CDHR3: variants seen among roughly 807,000 people sequenced by gnomAD.
CDHR3 encodes cadherin related family member 3.
In CDHR3, 79 loss-of-function variants were observed where a neutral mutation model predicts 86.6. That is an observed-to-expected ratio of 0.91 (90% CI 0.76 to 1.10). The LOEUF (loss-of-function observed/expected upper bound fraction) is 1.10, where lower values mean the gene tolerates loss of function less well. CDHR3 is among the 50% of genes least tolerant of loss of function. The probability of loss-of-function intolerance (pLI) is 0.00; values close to 1 mark genes in which losing one functional copy is unlikely to be tolerated. For synonymous variants in CDHR3, 421 were observed against 402.4 expected (o/e 1.05, Z -0.55); for missense variants, 1,081 against 1,077.6 (o/e 1.00, Z -0.04).
chr7:106,032,762 G>A lies in CDHR3; in HGVS notation c.*65G>A. 1 of 1,495,334 alleles carries A rather than the reference G, an allele frequency of 6.7e-7. No homozygotes were observed. The highest frequency in any genetic ancestry group is 1.3e-5 in the South Asian group (1 of 76,226). The allele number at this position is 1,495,334 out of a possible 1,614,324, so 92.6% of individuals were successfully genotyped here. Reference sequence around the variant, plus strand: ...GCCTCACCCTAAATTCTATGGGGATGGTGTGGGCATGGTGTAGGGGGGAAA... The same window carrying A: ...GCCTCACCCTAAATTCTATGGGGATAGTGTGGGCATGGTGTAGGGGGGAAA... On this transcript the variant is annotated 3_prime_UTR_variant, in exon 19 of 19. Transcript: ENST00000317716.
At position 106,030,454 on chromosome 7, in the gene CDHR3, C is replaced by T. The variant is rs1018958874; in HGVS notation, c.2305-338C>T. 3.3e-5 allele frequency among the ~76,000 whole-genome samples: 5 copies of T among 152,204 alleles called. No individual in the cohort carries two copies. The highest frequency in any genetic ancestry group is 2.1e-4 in the South Asian group (1 of 4,836). ...TGTGGCATTTCCACTCTTCCTTCTACGCTCAGATTTTATTTACTCAGGATG... is the reference window on the plus strand; with the variant it reads ...TGTGGCATTTCCACTCTTCCTTCTATGCTCAGATTTTATTTACTCAGGATG... On this transcript the variant is annotated intron_variant, in intron 17 of 18. Transcript: ENST00000317716. The surrounding 1 kb of genome is among the most constrained non-coding windows in gnomAD (Gnocchi z 4.8).
chr7:106,025,752 C>G (rs541140003), intron 15 of CDHR3, among the ~76,000 whole-genome samples: 190 of 152,244 alleles, frequency 1.2e-3, no homozygotes, highest in African/African-American at 4.4e-3. Flanking sequence ...TTGCATTTTG[C>G]CATATTTATT....
In CDHR3 at chr7:106,001,598, A is replaced by G; in HGVS notation, c.850A>G (p.Met284Val). 4.3e-6 allele frequency: 7 copies of G among 1,613,986 alleles called. No homozygotes were observed. The highest frequency in any genetic ancestry group is 1.1e-5 in the South Asian group (1 of 91,082). ...CATTACCACTGTTAGCAAATATTTC[A>G]TGATAAATCAGTGTAAGCCACTCAC... Reference protein sequence around the residue: ...YSITTVSKYFMINQLTGTIQV... With the variant: ...YSITTVSKYFVINQLTGTIQV... Residue 284 changes from methionine to valine, a missense_variant, in exon 7 of 19, where the codon ATG becomes GTG. By Grantham distance (21) the Met-to-Val change is conservative (BLOSUM62 1). Coordinates refer to ENST00000317716, the MANE Select transcript of CDHR3 (RefSeq NM_152750.5).
intron 4 of CDHR3, among the ~76,000 whole-genome samples, chr7:105,991,347 G>A (rs1563253848): frequency 6.6e-6 from 1 of 151,696 alleles, no homozygotes; most frequent in African/African-American, 2.4e-5. Context: ...CATTAACACA[G>A]CTCTTAGGTT....
At chr7:106,004,986 A>AG (rs2115805291) in intron 8 of CDHR3, among the ~76,000 whole-genome samples, 1 of 152,328 alleles carries the variant, frequency 6.6e-6, no homozygotes, top group South Asian at 2.1e-4. Context: ...AAAGGACCAC[A>AG]GGGACTTGTT....
rs532300309 is a variant in CDHR3, at chr7:106,030,997, G to A, written c.2353+157G>A. Among the ~76,000 whole-genome samples the A allele has an allele frequency of 7.2e-5, 11 of 152,296 alleles. No individual in the cohort carries two copies. In the East Asian group the frequency reaches 1.2e-3, roughly 16 times the overall value. ...CTGACTCTTCTAGGCTAAATACAAC[G>A]TGAGATCAGCTGTGAACCCAGCTGG... On this transcript the variant is annotated intron_variant, in intron 18 of 18. Coordinates refer to ENST00000317716, the MANE Select transcript of CDHR3 (RefSeq NM_152750.5). The surrounding 1 kb of genome is among the most constrained non-coding windows in gnomAD (Gnocchi z 4.8).
At position 106,034,874 on chromosome 7, in the gene CDHR3, T is replaced by A. The variant is rs958689738; in HGVS notation, c.*2177T>A. Among the ~76,000 whole-genome samples, 8 of 152,206 alleles carry A rather than the reference T, an allele frequency of 5.3e-5. No individual in the cohort carries two copies. The highest frequency in any genetic ancestry group is 1.9e-4 in the African/African-American group (8 of 41,524). On this transcript the variant is annotated 3_prime_UTR_variant, in exon 19 of 19. Transcript: ENST00000317716. ...AGGTGGATCACCTGAGGTCAGGAGT[T>A]TGAGACCAGCCTGGCCAACATGGTG...
chr7:106,034,638 G>C lies in CDHR3; in HGVS notation c.*1941G>C, dbSNP rs1290600182. 6.6e-6 allele frequency among the ~76,000 whole-genome samples: 1 copy of C among 152,234 alleles called. No individual in the cohort carries two copies. The highest frequency in any genetic ancestry group is 2.4e-5 in the African/African-American group (1 of 41,462). ...ATTTATGCAGGTTAAAGTGAGTGAA[G>C]TGGCTGATTGCCCATTTAAGGCATT... On this transcript the variant is annotated 3_prime_UTR_variant, in exon 19 of 19. Transcript: ENST00000317716.
chr7:106,005,242 A>AGATACAAGTGG (rs944432218), intron 8 of CDHR3, among the ~76,000 whole-genome samples: 3 of 152,280 alleles, frequency 2.0e-5, no homozygotes, highest in African/African-American at 7.2e-5. Context: ...GAAAAAATGC[A>AGATACAAGTGG]GATACAAGTG....
Position 105,974,883 on chromosome 7 carries a change from G to T in CDHR3, c.86G>T (p.Gly29Val). The T allele has an allele frequency of 6.2e-7, 1 of 1,613,706 alleles. No homozygotes were observed. The highest frequency in any genetic ancestry group is 8.5e-7 in the Non-Finnish European group (1 of 1,179,718). Reference sequence around the variant, plus strand: ...CACCTAATCCTCTTACCTGCTACAGGCAATGTGGCAGAGAATTCTCCACCT... The same window carrying T: ...CACCTAATCCTCTTACCTGCTACAGTCAATGTGGCAGAGAATTCTCCACCT... ...ALHLILLPATGNVAENSPPGT... is the reference protein window; with the variant it reads ...ALHLILLPATVNVAENSPPGT... The change falls in exon 2 of 19, where the codon GGC becomes GTC. Residue 29 changes from glycine (G) to valine (V), a missense_variant. By Grantham distance (109) the Gly-to-Val change is moderately radical (BLOSUM62 -3). Transcript: ENST00000317716.
intron 8 of CDHR3, among the ~76,000 whole-genome samples, chr7:106,011,802 G>A (rs968628436): frequency 6.6e-6 from 1 of 152,238 alleles, no homozygotes; most frequent in African/African-American, 2.4e-5. Context: ...TTGATCGGAA[G>A]GCTCTGAGTT....
intron 1 of CDHR3, among the ~76,000 whole-genome samples, chr7:105,969,811 T>C (rs1423179393): frequency 1.3e-5 from 2 of 152,194 alleles, no homozygotes; most frequent in Admixed American, 6.5e-5. Flanking sequence ...CCGTTTTCTG[T>C]AATAAAACTG....
At chr7:105,971,241 A>C (rs909308373) in intron 1 of CDHR3, among the ~76,000 whole-genome samples, 1 of 152,042 alleles carries the variant, frequency 6.6e-6, no homozygotes, top group Non-Finnish European at 1.5e-5. Context: ...CAAAGTTTTA[A>C]GGATTCATTT....
Position 106,015,095 on chromosome 7 carries a change from C to G in CDHR3, c.1225-16C>G, listed in dbSNP as rs1410208235. 1 of 1,569,194 alleles carries G rather than the reference C, an allele frequency of 6.4e-7. No homozygotes were observed. Among genetic ancestry groups the G allele is most frequent in the African/African-American group, 1.4e-5 (1 of 73,982 alleles). On this transcript the variant is annotated splice_polypyrimidine_tract_variant and intron_variant, in intron 9 of 18. Transcript: ENST00000317716. ...TTGTTTAATCTGTATAATCTACTAT[C>G]TCTGTTTTAATCTAGCTGATTGGTG...
Position 106,033,926 on chromosome 7 carries a change from T to G in CDHR3, c.*1229T>G, listed in dbSNP as rs1038533857. On this transcript the variant is annotated 3_prime_UTR_variant, in exon 19 of 19. Coordinates refer to ENST00000317716, the MANE Select transcript of CDHR3 (RefSeq NM_152750.5). ...CATTCCAGCAGCAAACACTGAGAGT[T>G]GCAATTGCTCTCTATCCTTGCCAAC... is the stretch of plus-strand genomic sequence containing the variant. Among the ~76,000 whole-genome samples the G allele has an allele frequency of 2.0e-5, 3 of 152,208 alleles. No individual in the cohort carries two copies. Among genetic ancestry groups the G allele is most frequent in the African/African-American group, 7.2e-5 (3 of 41,454 alleles).
Position 106,030,445 on chromosome 7 carries a change from T to G in CDHR3, c.2305-347T>G, listed in dbSNP as rs1258186943. On this transcript the variant is annotated intron_variant, in intron 17 of 18. Coordinates refer to ENST00000317716, the MANE Select transcript of CDHR3 (RefSeq NM_152750.5). This position sits in a 1 kb window ranked among gnomAD's most constrained non-coding sequence, Gnocchi z 4.8. Reference sequence around the variant, plus strand: ...GCCATGCTGTGTGGCATTTCCACTCTTCCTTCTACGCTCAGATTTTATTTA... The same window carrying G: ...GCCATGCTGTGTGGCATTTCCACTCGTCCTTCTACGCTCAGATTTTATTTA... Among the ~76,000 whole-genome samples the G allele has an allele frequency of 6.6e-6, 1 of 152,236 alleles. No homozygotes were observed. Among genetic ancestry groups the G allele is most frequent in the Non-Finnish European group, 1.5e-5 (1 of 68,044 alleles).
chr7:106,029,543 C>CCTGTCTCT (rs1316782284), intron 17 of CDHR3, among the ~76,000 whole-genome samples: 2 of 96,512 alleles, frequency 2.1e-5, no homozygotes, highest in Non-Finnish European at 4.9e-5. Context: ...CTCTCCTCCA[C>CCTGTCTCT]CTCTGTCTCT....
At chr7:106,011,770 A>G (rs1216666120) in intron 8 of CDHR3, among the ~76,000 whole-genome samples, 1 of 152,200 alleles carries the variant, frequency 6.6e-6, no homozygotes, top group Non-Finnish European at 1.5e-5. Flanking sequence ...TCTTCCTCAG[A>G]GCCTCCTACA....
At chr7:105,988,888 A>T (rs1830908726) in intron 4 of CDHR3, among the ~76,000 whole-genome samples, 2 of 152,252 alleles carry the variant, frequency 1.3e-5, no homozygotes, top group Admixed American at 1.3e-4. Flanking sequence ...ACATAAAATG[A>T]TTAATGAGAT....
Sources: allele counts gnomAD v4.1 joint callset (sites outside exome capture counted in the v4.1 genomes callset), GRCh38; gene constraint gnomAD v4.1.1; non-coding constraint Gnocchi (gnomAD v3.1); transcripts MANE v1.5; gene names NCBI Gene and HGNC (gene_info 2026-07-23, HGNC 2026-07-21).